Variants in UNC5B observed in about 807,000 individuals in gnomAD.
UNC5B encodes the protein unc-5 netrin receptor B, also known as netrin receptor UNC5B.
UNC5B carries 56 observed loss-of-function variants against 103.7 expected under a neutral mutation model. That is an observed-to-expected ratio of 0.54 (90% CI 0.44 to 0.67). The LOEUF is 0.67. Among genes scored for constraint, UNC5B ranks in the 30% least tolerant of loss-of-function variants. The probability of loss-of-function intolerance (pLI) is 0.00; values close to 1 mark genes in which losing one functional copy is unlikely to be tolerated. For synonymous variants in UNC5B, 577 were observed against 542.0 expected (o/e 1.06, Z -0.90); for missense variants, 1,194 against 1,284.5 (o/e 0.93, Z 1.08).
chr10:71,288,840 C>T, intron 7 of UNC5B, 108 bp downstream of exon 7: 1 of 1,557,454 alleles, frequency 6.4e-7, no homozygotes, highest in Non-Finnish European at 8.8e-7. Flanking sequence ...CACGGCAGTC[C>T]TCAGGGCCTC....
intron 1 of UNC5B, among the ~76,000 whole-genome samples, chr10:71,245,717 G>A (rs1844016006): frequency 6.6e-6 from 1 of 152,204 alleles, no homozygotes; most frequent in African/African-American, 2.4e-5. Context: ...GTGAGTCCCT[G>A]CTCCACCCAC....
chr10:71,290,584 G>T (rs1006028354), intron 8 of UNC5B, among the ~76,000 whole-genome samples: 4 of 152,160 alleles, frequency 2.6e-5, no homozygotes, highest in African/African-American at 9.7e-5. Flanking sequence ...GCACTCACAG[G>T]GCAAATTATG....
chr10:71,299,673 A>C lies in UNC5B; in HGVS notation c.*396A>C. 1 of 180,718 alleles carries C rather than the reference A, an allele frequency of 5.5e-6. No individual in the cohort carries two copies. The highest frequency in any genetic ancestry group is 1.2e-5 in the Non-Finnish European group (1 of 86,136). 11.2% of individuals were successfully genotyped at this position (180,718 alleles called of 1,614,324 possible). Reference sequence around the variant, plus strand: ...TTCTCGTTTTCTTCCTCCGTTATTGATTTCTCCTTTCTCCCTAAGCCCCCT... The same window carrying C: ...TTCTCGTTTTCTTCCTCCGTTATTGCTTTCTCCTTTCTCCCTAAGCCCCCT... On this transcript the variant is annotated 3_prime_UTR_variant, in exon 17 of 17. Transcript: ENST00000335350.
At chr10:71,268,489 TC>T (rs1245278847) in intron 1 of UNC5B, among the ~76,000 whole-genome samples, 1 of 151,822 alleles carries the variant, frequency 6.6e-6, no homozygotes, top group Non-Finnish European at 1.5e-5. Flanking sequence ...AGGTGAAGGG[TC>T]CCCGACTGGA....
At chr10:71,226,893 G>GAT (rs1321221872) in intron 1 of UNC5B, among the ~76,000 whole-genome samples, 2 of 151,830 alleles carry the variant, frequency 1.3e-5, no homozygotes, top group African/African-American at 2.4e-5. Flanking sequence ...GAGATAGATA[G>GAT]ATATATATAC....
At chr10:71,289,972 T>C (rs61851303) in intron 8 of UNC5B, among the ~76,000 whole-genome samples, 12,972 of 152,200 alleles carry the variant, frequency 0.085, 781 homozygotes, top group African/African-American at 0.16. Flanking sequence ...AGGGAGGAAG[T>C]GCGTGGACAG....
chr10:71,282,913 G>A (rs778801484), intron 2 of UNC5B, among the ~76,000 whole-genome samples: 11 of 152,098 alleles, frequency 7.2e-5, no homozygotes, highest in Non-Finnish European at 1.3e-4. Context: ...TCAGGAGATC[G>A]AGACCATCCT....
chr10:71,228,384 CA>C (rs58283911), intron 1 of UNC5B, among the ~76,000 whole-genome samples: 3,836 of 142,384 alleles, frequency 0.027, 129 homozygotes, highest in African/African-American at 0.088. Context: ...AAATTTTCGA[CA>C]AAAAAAAAAA....
At chr10:71,281,777 G>A (rs1399609173) in intron 2 of UNC5B, among the ~76,000 whole-genome samples, 1 of 152,256 alleles carries the variant, frequency 6.6e-6, no homozygotes, top group Admixed American at 6.5e-5. Flanking sequence ...GAAGTTGACT[G>A]AAGGTCCTGG....
intron 2 of UNC5B, among the ~76,000 whole-genome samples, chr10:71,281,622 G>A (rs1251554270): frequency 6.6e-6 from 1 of 152,216 alleles, no homozygotes; most frequent in African/African-American, 2.4e-5. Context: ...TTACAGGCGT[G>A]AGCCACCACA....
At chr10:71,286,173 G>GA (rs1346852494) in intron 4 of UNC5B, among the ~76,000 whole-genome samples, 1 of 152,228 alleles carries the variant, frequency 6.6e-6, no homozygotes, top group African/African-American at 2.4e-5. Context: ...GCAGGGCTGG[G>GA]AGGGGCCCAG....
chr10:71,295,673 AT>A lies in UNC5B; in HGVS notation c.2176-137del, dbSNP rs1589205982. ...CGTCATCTATTCATCTTCTCACACC[AT>A]AAGCCCTCTGTGAGCTCTTGCAAAT... On this transcript the variant is annotated intron_variant, in intron 13 of 16. Coordinates refer to ENST00000335350, the MANE Select transcript of UNC5B (RefSeq NM_170744.5). The A allele has an allele frequency of 3.4e-5, 33 of 981,210 alleles. No individual in the cohort carries two copies. In the East Asian group the frequency reaches 8.4e-4, roughly 25 times the overall value. 60.8% of individuals were successfully genotyped at this position (981,210 alleles called of 1,614,324 possible).
At chr10:71,263,974 A>G (rs1260383735) in intron 1 of UNC5B, among the ~76,000 whole-genome samples, 1 of 152,206 alleles carries the variant, frequency 6.6e-6, no homozygotes, top group Non-Finnish European at 1.5e-5. Flanking sequence ...ATGTACTCTG[A>G]GCTAAATGGG....
chr10:71,247,882 C>T (rs1844074935), intron 1 of UNC5B, among the ~76,000 whole-genome samples: 1 of 152,110 alleles, frequency 6.6e-6, no homozygotes, highest in Admixed American at 6.5e-5. Context: ...TTACTTGTGT[C>T]CTTGAGACCT....
chr10:71,239,186 C>A lies in UNC5B; in HGVS notation c.79+26122C>A, dbSNP rs191857347. Among the ~76,000 whole-genome samples the A allele has an allele frequency of 4.2e-4, 64 of 152,304 alleles. 1 individual carries two copies. The East Asian group carries it at 0.012, about 28-fold the overall frequency. On this transcript the variant is annotated intron_variant, in intron 1 of 16. Transcript: ENST00000335350. ...TCCCTCAATGTGCCAGAAAACCTCT[C>A]AGCTAGTAGATACCTTAGTGTCCAG...
chr10:71,276,365 G>A (rs1046047516), intron 1 of UNC5B, among the ~76,000 whole-genome samples: 6 of 152,164 alleles, frequency 3.9e-5, no homozygotes, highest in South Asian at 2.1e-4. Context: ...GCCATAGGTC[G>A]CTCTCATCTA....
rs1235146382 is a variant in UNC5B at position 71,213,738 on chromosome 10, T to A, written c.79+674T>A. Reference sequence around the variant, plus strand: ...TTCTGAGTGTTGGAGAGTGTGTGTGTGTGTGTGTGTGTGTGTGTGTGTGTT... The same window carrying A: ...TTCTGAGTGTTGGAGAGTGTGTGTGAGTGTGTGTGTGTGTGTGTGTGTGTT... On this transcript the variant is annotated intron_variant, in intron 1 of 16. Transcript: ENST00000335350. The surrounding 1 kb of genome is among the most constrained non-coding windows in gnomAD (Gnocchi z 4.1). 1.0e-3 allele frequency among the ~76,000 whole-genome samples: 150 copies of A among 148,736 alleles called. 1 individual carries two copies. Among genetic ancestry groups the A allele is most frequent in the African/African-American group, 3.6e-3 (143 of 40,234 alleles).
rs138069108 is a variant in UNC5B at position 71,274,728 on chromosome 10, A to G, written c.80-5093A>G. On this transcript the variant is annotated intron_variant, in intron 1 of 16. Transcript: ENST00000335350. Reference sequence around the variant, plus strand: ...GAGGTGCTGGTGGTCATTTTGATCTAAGGCCTGGGATGGGTGGGCTGGAGC... The same window carrying G: ...GAGGTGCTGGTGGTCATTTTGATCTGAGGCCTGGGATGGGTGGGCTGGAGC... Among the ~76,000 whole-genome samples, 143 of 152,198 alleles carry G rather than the reference A, an allele frequency of 9.4e-4. 2 individuals carry two copies. The highest frequency in any genetic ancestry group is 3.3e-3 in the African/African-American group (137 of 41,542).
At chr10:71,290,762 G>A (rs545982669) in intron 8 of UNC5B, among the ~76,000 whole-genome samples, 153 bp from the exon 9 acceptor site, 211 of 152,338 alleles carry the variant, frequency 1.4e-3, no homozygotes, top group Middle Eastern at 6.8e-3. Flanking sequence ...AGGCTAGCCC[G>A]AGGTTGCCAG....
Sources: allele counts gnomAD v4.1 joint callset (sites outside exome capture counted in the v4.1 genomes callset), GRCh38; gene constraint gnomAD v4.1.1; non-coding constraint Gnocchi (gnomAD v3.1); transcripts MANE v1.5; gene names NCBI Gene and HGNC (gene_info 2026-07-23, HGNC 2026-07-21).